The following IMMP2L variants were observed in gnomAD, a reference collection of about 807,000 sequenced individuals.
IMMP2L encodes the protein inner mitochondrial membrane peptidase subunit 2.
IMMP2L carries 18 observed loss-of-function variants against 19.3 expected under a neutral mutation model. That is an observed-to-expected ratio of 0.93 (90% confidence interval 0.64 to 1.38). The LOEUF (loss-of-function observed/expected upper bound fraction) is 1.38, where lower values mean the gene tolerates loss of function less well. Ranked by LOEUF, IMMP2L falls within the 40% of genes most tolerant of loss-of-function variation. IMMP2L has a pLI of 0.00. For missense variants in IMMP2L, 233 were observed against 218.2 expected (o/e 1.07, Z -0.43); for synonymous variants, 76 against 73.0 (o/e 1.04, Z -0.21).
chr7:110,999,387 C>A (rs1823396244), intron 3 of IMMP2L, among the ~76,000 whole-genome samples: 1 of 128,272 alleles, frequency 7.8e-6, no homozygotes, highest in South Asian at 2.4e-4. Context: ...TGCTTTATAG[C>A]TTTTCTCCCC....
chr7:111,020,798 A>G (rs1306119710), intron 3 of IMMP2L, among the ~76,000 whole-genome samples: 1 of 152,104 alleles, frequency 6.6e-6, no homozygotes, highest in Non-Finnish European at 1.5e-5. Flanking sequence ...AGAAAGAAAA[A>G]TAAAGTGAGT....
In IMMP2L at chr7:111,522,926, C is replaced by CATATATATATATAT. The variant is rs148789480; in HGVS notation, c.-2-1478_-2-1477insATATATATATATAT. ...TGAATGAACTTTAAGATGTGAGATA[C>CATATATATATATAT]ATATATATATATTATTTCACCATAA... On this transcript the variant is annotated intron_variant, in intron 1 of 5. Transcript: ENST00000405709. Among the ~76,000 whole-genome samples the CATATATATATATAT allele has an allele frequency of 2.5e-4, 34 of 134,956 alleles. 3 individuals carry two copies. Among genetic ancestry groups the CATATATATATATAT allele is most frequent in the African/African-American group, 9.1e-4 (29 of 31,760 alleles). 88.5% of individuals were successfully genotyped at this position (134,956 alleles called of 152,430 possible). A position where few individuals can be genotyped will look rare whatever the true frequency, so the allele number is the denominator to read the frequency against.
At chr7:110,815,924 C>A (rs915201971) in intron 5 of IMMP2L, among the ~76,000 whole-genome samples, 1 of 151,886 alleles carries the variant, frequency 6.6e-6, no homozygotes, top group Non-Finnish European at 1.5e-5. Context: ...CCAGCTCCTG[C>A]ATTAATTAAT....
intron 5 of IMMP2L, among the ~76,000 whole-genome samples, chr7:110,675,343 T>G (rs1432040579): frequency 6.6e-6 from 1 of 152,084 alleles, no homozygotes; most frequent in Non-Finnish European, 1.5e-5. Context: ...AGCACAGTAG[T>G]GGCTACATCC....
chr7:111,555,750 A>T (rs1791219133), intron 1 of IMMP2L, among the ~76,000 whole-genome samples: 1 of 151,804 alleles, frequency 6.6e-6, no homozygotes, highest in South Asian at 2.1e-4. Context: ...AGGCTGAATA[A>T]TATTCCATTC....
rs979604809 is a variant in IMMP2L, at chr7:110,886,769, A to T, written c.306-74T>A. 10 of 707,438 alleles carry T rather than the reference A, an allele frequency of 1.4e-5. No homozygotes were observed. In the Admixed American group the frequency reaches 2.3e-4, roughly 16 times the overall value. 43.8% of individuals were successfully genotyped at this position (707,438 alleles called of 1,614,324 possible). On this transcript the variant is annotated intron_variant, in intron 4 of 5. Transcript: ENST00000405709. ...AACTGCTGGGCATACAAACTTAGGAATGGTGAAAATATTATATAGATGTTA... is the reference window on the plus strand; with the variant it reads ...AACTGCTGGGCATACAAACTTAGGATTGGTGAAAATATTATATAGATGTTA...
At chr7:111,554,460 G>A (rs567746370) in intron 1 of IMMP2L, among the ~76,000 whole-genome samples, 3 of 152,026 alleles carry the variant, frequency 2.0e-5, no homozygotes, top group South Asian at 4.2e-4. Context: ...CTTACTCCCC[G>A]AACCTCACCA....
chr7:111,195,684 G>A (rs1264224209), intron 3 of IMMP2L, among the ~76,000 whole-genome samples: 1 of 3,064 alleles, frequency 3.3e-4, no homozygotes, highest in African/African-American at 2.3e-3. Context: ...TACCCTATGA[G>A]TTCCTTTTTA....
In IMMP2L at chr7:111,352,302, C is replaced by A. The variant is rs138075468; in HGVS notation, c.239+134936G>T. ...GCAGCCCTGAACTCCTGGGTTCAAG[C>A]AATCCCCTGGCTTAGCCTCCCAAGT... On this transcript the variant is annotated intron_variant, in intron 3 of 5. Transcript: ENST00000405709. 1.6e-3 allele frequency among the ~76,000 whole-genome samples: 247 copies of A among 151,778 alleles called. 1 individual carries two copies. The highest frequency in any genetic ancestry group is 5.6e-3 in the African/African-American group (233 of 41,410).
chr7:111,195,340 A>T (rs2129613987), intron 3 of IMMP2L, among the ~76,000 whole-genome samples: 1 of 152,240 alleles, frequency 6.6e-6, no homozygotes, highest in South Asian at 2.1e-4. Context: ...GTTTCAACTG[A>T]TACCAATTTC....
chr7:111,154,730 C>A (rs970374648), intron 3 of IMMP2L, among the ~76,000 whole-genome samples: 5 of 152,038 alleles, frequency 3.3e-5, no homozygotes, highest in African/African-American at 1.2e-4. Flanking sequence ...AATCATTGTA[C>A]ATTAGTTCGG....
intron 3 of IMMP2L, among the ~76,000 whole-genome samples, chr7:111,429,625 A>T (rs1415957488): frequency 6.6e-6 from 1 of 151,902 alleles, no homozygotes; most frequent in Non-Finnish European, 1.5e-5. Flanking sequence ...AGCACAGAAG[A>T]ATTAAGTAAA....
rs188715767 is a variant in IMMP2L at position 111,422,592 on chromosome 7, G to C, written c.239+64646C>G. Among the ~76,000 whole-genome samples, 7 of 151,974 alleles carry C rather than the reference G, an allele frequency of 4.6e-5. No individual in the cohort carries two copies. The East Asian group carries it at 1.4e-3, about 29-fold the overall frequency. ...TGCATCCTGAGACTTTGCTGAAGTT[G>C]CTTATCAGCTTAAGGAGATTTTGGG... is the stretch of plus-strand genomic sequence containing the variant. On this transcript the variant is annotated intron_variant, in intron 3 of 5. Coordinates refer to ENST00000405709, the MANE Select transcript of IMMP2L (RefSeq NM_032549.4).
chr7:110,828,130 T>A (rs1049954797), intron 5 of IMMP2L, among the ~76,000 whole-genome samples: 4 of 152,114 alleles, frequency 2.6e-5, no homozygotes, highest in Non-Finnish European at 5.9e-5. Context: ...GACTAAACAT[T>A]TTAGGCTTTG....
rs111447741 is a variant in IMMP2L at position 111,552,050 on chromosome 7, A to C, written c.-3+9801T>G. Reference sequence around the variant, plus strand: ...CATGCTATAGCCACTGCTCGTTTATAATTTTCTCCCATTCAATGTACTACT... The same window carrying C: ...CATGCTATAGCCACTGCTCGTTTATCATTTTCTCCCATTCAATGTACTACT... On this transcript the variant is annotated intron_variant, in intron 1 of 5. Transcript: ENST00000405709. Among the ~76,000 whole-genome samples, 967 of 152,194 alleles carry C rather than the reference A, an allele frequency of 6.4e-3. 11 individuals are homozygous for C. The highest frequency in any genetic ancestry group is 0.02 in the African/African-American group (850 of 41,546).
chr7:110,881,628 A>G lies in IMMP2L; in HGVS notation c.408+4965T>C, dbSNP rs572281115. ...CAACACTGTCTAATGACCTTTTTTA[A>G]AATTTGAAATGGCTGATTTTAAATA... is the stretch of plus-strand genomic sequence containing the variant. On this transcript the variant is annotated intron_variant, in intron 5 of 5. Coordinates refer to ENST00000405709, the MANE Select transcript of IMMP2L (RefSeq NM_032549.4). Among the ~76,000 whole-genome samples, 40 of 152,316 alleles carry G rather than the reference A, an allele frequency of 2.6e-4. No homozygotes were observed. The South Asian group carries it at 8.3e-3, about 32-fold the overall frequency.
chr7:111,079,820 G>T (rs762397179), intron 3 of IMMP2L, among the ~76,000 whole-genome samples: 13 of 152,242 alleles, frequency 8.5e-5, no homozygotes, highest in Non-Finnish European at 1.9e-4. Context: ...GGGGCCTTTT[G>T]GAGGAAATTT....
At chr7:111,277,501 G>A (rs1341536110) in intron 3 of IMMP2L, among the ~76,000 whole-genome samples, 1 of 151,516 alleles carries the variant, frequency 6.6e-6, no homozygotes, top group East Asian at 1.9e-4. Context: ...AGAGGCGGAG[G>A]TTGCAGTGAG....
Position 111,549,901 on chromosome 7 carries a change from A to G in IMMP2L, c.-3+11950T>C, listed in dbSNP as rs147914886. Reference sequence around the variant, plus strand: ...AGTTGCAGTGAGCCGAGATCACGTCATAGCACTCCAGCCTGGATGACAGAG... The same window carrying G: ...AGTTGCAGTGAGCCGAGATCACGTCGTAGCACTCCAGCCTGGATGACAGAG... On this transcript the variant is annotated intron_variant, in intron 1 of 5. Coordinates refer to ENST00000405709, the MANE Select transcript of IMMP2L (RefSeq NM_032549.4). Among the ~76,000 whole-genome samples, 934 of 151,594 alleles carry G rather than the reference A, an allele frequency of 6.2e-3. 10 individuals carry two copies. Among genetic ancestry groups the G allele is most frequent in the African/African-American group, 0.02 (825 of 41,272 alleles).
Sources: allele counts gnomAD v4.1 joint callset (sites outside exome capture counted in the v4.1 genomes callset), GRCh38; gene constraint gnomAD v4.1.1; transcripts MANE v1.5; gene names NCBI Gene and HGNC (gene_info 2026-07-23, HGNC 2026-07-21).